ABCB7: variants seen among roughly 807,000 people sequenced by gnomAD.
The protein encoded by ABCB7 is iron-sulfur clusters transporter ABCB7, mitochondrial.
A neutral mutation model predicts 54.4 loss-of-function variants in ABCB7; 7 were observed. The ratio of observed to expected loss-of-function variants is 0.13; its 90% CI spans 0.07 to 0.24. The LOEUF is 0.24. Ranked by LOEUF, ABCB7 falls within the 10% of genes least tolerant of loss-of-function variation. The probability of loss-of-function intolerance (pLI) is 1.00; values close to 1 mark genes in which losing one functional copy is unlikely to be tolerated. For synonymous variants in ABCB7, 218 were observed against 207.1 expected (o/e 1.05, Z -0.45); for missense variants, 356 against 570.4 (o/e 0.62, Z 3.83).
intron 4 of ABCB7, among the ~76,000 whole-genome samples, chrX:75,081,625 T>C (rs968011820): frequency 8.9e-6 from 1 of 112,338 alleles, no homozygotes; most frequent in African/African-American, 3.2e-5. Context: ...TGCCAAAGTT[T>C]TTCTGAAGAA....
rs754542890 is a variant in ABCB7, at chrX:75,098,574, A to T, written c.453+368T>A. ...CTATCAGTGTTCCTAAAATGGCTTC[A>T]TCCTCTTTTCAATTTACTGGGATCT... On this transcript the variant is annotated intron_variant, in intron 4 of 15. Coordinates refer to ENST00000373394, the MANE Select transcript of ABCB7 (RefSeq NM_001271696.3). Among the ~76,000 whole-genome samples the T allele has an allele frequency of 3.6e-5, 4 of 110,812 alleles. No individual in the cohort carries two copies. In the Admixed American group the frequency reaches 3.8e-4, roughly 11 times the overall value.
intron 9 of ABCB7, among the ~76,000 whole-genome samples, chrX:75,071,089 C>G (rs2081360348): frequency 9.1e-6 from 1 of 109,820 alleles, no homozygotes. Flanking sequence ...CAGACATTTA[C>G]TTTTGAAGTG....
intron 1 of ABCB7, among the ~76,000 whole-genome samples, chrX:75,124,420 A>C (rs1450461610): frequency 8.9e-6 from 1 of 112,095 alleles, no homozygotes; most frequent in Admixed American, 9.5e-5. Flanking sequence ...CCATTCAAAT[A>C]GGTTCATTTA....
At chrX:75,155,671 G>C (rs1040051529) in intron 1 of ABCB7, among the ~76,000 whole-genome samples, 1 of 111,649 alleles carries the variant, frequency 9.0e-6, no homozygotes, top group East Asian at 2.8e-4. Context: ...TAGATAGCTT[G>C]CTGTCATTAC....
At position 75,069,091 on chromosome X, in the gene ABCB7, T is replaced by C. The variant is rs200453544; in HGVS notation, c.1575A>G (p.Gln525=). The C allele has an allele frequency of 7.5e-6, 9 of 1,207,689 alleles. No individual in the cohort carries two copies. In the East Asian group the frequency reaches 2.1e-4, roughly 28 times the overall value. The change falls in exon 12 of 16, where the codon CAA becomes CAG. Residue 525 remains glutamine, a synonymous_variant. Transcript: ENST00000373394. ...GACCAGCAAGATAAATGCTACCCTT[T>C]TGAGGCTCATAGAAGCGAAATAATA... ...VRLLFRFYEP[Q]KGSIYLAGQN...
chrX:75,072,403 CT>C (rs1487747893), intron 8 of ABCB7, among the ~76,000 whole-genome samples: 7 of 111,510 alleles, frequency 6.3e-5, no homozygotes, highest in Non-Finnish European at 1.3e-4. Flanking sequence ...TTACACAAAC[CT>C]AGATGGTATA....
At chrX:75,061,828 C>G (rs2081284273) in intron 14 of ABCB7, among the ~76,000 whole-genome samples, 1 of 112,142 alleles carries the variant, frequency 8.9e-6, no homozygotes, top group Non-Finnish European at 1.9e-5. Flanking sequence ...CATAACACTT[C>G]CAGTGAAATG....
chrX:75,104,319 T>C (rs1457831919), intron 3 of ABCB7, among the ~76,000 whole-genome samples: 2 of 107,771 alleles, frequency 1.9e-5, no homozygotes, highest in Admixed American at 2.0e-4. Context: ...AAGAACAAAA[T>C]ATAAGATTCA....
In ABCB7 at chrX:75,060,229, C is replaced by T. The variant is rs1343891400; in HGVS notation, c.2037G>A (p.Leu679=). The T allele has an allele frequency of 3.3e-6, 4 of 1,202,981 alleles. No individual in the cohort carries two copies. The highest frequency in any genetic ancestry group is 4.5e-6 in the Non-Finnish European group (4 of 887,927). Residue 679 remains leucine (L), a synonymous_variant, in exon 15 of 16, where the codon TTG becomes TTA. Coordinates refer to ENST00000373394, the MANE Select transcript of ABCB7 (RefSeq NM_001271696.3). ...TTAAAGTTAAATGTCTTACCTGATCCAAGACAATGATTTCATCTGCATCAA... is the reference window on the plus strand; with the variant it reads ...TTAAAGTTAAATGTCTTACCTGATCTAAGACAATGATTTCATCTGCATCAA... The part of the protein sequence containing the change: ...TVVDADEIIV[L]DQGKVAERGT...
chrX:75,061,771 C>A (rs1157920201), intron 14 of ABCB7, among the ~76,000 whole-genome samples: 1 of 112,135 alleles, frequency 8.9e-6, no homozygotes, highest in Non-Finnish European at 1.9e-5. Flanking sequence ...AAATCTAATG[C>A]AGCTGTGGGG....
intron 1 of ABCB7, among the ~76,000 whole-genome samples, chrX:75,151,764 G>C (rs1305688829): frequency 8.9e-6 from 1 of 111,996 alleles, no homozygotes; most frequent in Admixed American, 9.5e-5. Context: ...ATGTGTCCAA[G>C]ATAATTAACA....
chrX:75,071,764 C>T (rs1602342094), intron 8 of ABCB7, 81 bp from the exon 9 acceptor site: 1 of 697,054 alleles, frequency 1.4e-6, no homozygotes, highest in Non-Finnish European at 2.1e-6. Flanking sequence ...TTTCATCAGA[C>T]TTCATGTATG....
At chrX:75,146,163 A>G (rs1186306371) in intron 1 of ABCB7, among the ~76,000 whole-genome samples, 2 of 111,235 alleles carry the variant, frequency 1.8e-5, no homozygotes, top group Non-Finnish European at 3.8e-5. Flanking sequence ...GAAATCAGAG[A>G]TGACACAAAC....
intron 4 of ABCB7, among the ~76,000 whole-genome samples, chrX:75,081,923 G>GA (rs369324387): frequency 3.8e-4 from 39 of 103,283 alleles, no homozygotes; most frequent in Non-Finnish European, 4.8e-4. Flanking sequence ...ATAGACTAAA[G>GA]AAAAAAAAAA....
chrX:75,061,659 A>T (rs2081282916), intron 14 of ABCB7, among the ~76,000 whole-genome samples: 1 of 112,063 alleles, frequency 8.9e-6, no homozygotes, highest in Non-Finnish European at 1.9e-5. Flanking sequence ...AAGGCAATTG[A>T]CAAATGCATC....
chrX:75,070,143 G>C (rs2147463128), intron 10 of ABCB7, among the ~76,000 whole-genome samples: 1 of 111,122 alleles, frequency 9.0e-6, no homozygotes, highest in Non-Finnish European at 1.9e-5. Context: ...CAAAATGCTG[G>C]GATTACAGGA....
intron 8 of ABCB7, 163 bp from the exon 9 acceptor site, chrX:75,071,846 T>C (rs989932613): frequency 5.2e-6 from 2 of 385,355 alleles, no homozygotes; most frequent in Non-Finnish European, 8.9e-6. Flanking sequence ...TCCCTGCAGT[T>C]TTCCATAATG....
chrX:75,113,119 CT>C, intron 2 of ABCB7, 147 bp from the exon 3 acceptor site: 1 of 476,332 alleles, frequency 2.1e-6, no homozygotes, highest in Admixed American at 3.2e-5. Context: ...AGCAAAACAC[CT>C]CCACAATTAA....
intron 1 of ABCB7, among the ~76,000 whole-genome samples, chrX:75,132,205 G>A (rs952208316): frequency 1.8e-5 from 2 of 112,037 alleles, no homozygotes; most frequent in South Asian, 3.8e-4. Flanking sequence ...TGCTGCCCTC[G>A]GACTGGGGAA....
Sources: gnomAD v4.1 joint callset for allele counts (sites outside exome capture counted in the v4.1 genomes callset) on GRCh38, gnomAD v4.1.1 for gene constraint, MANE v1.5 for transcripts, NCBI Gene and HGNC (gene_info 2026-07-23, HGNC 2026-07-21) for gene names.